COL28A1: variants seen among roughly 807,000 people sequenced by gnomAD.
COL28A1 encodes collagen type XXVIII alpha 1 chain.
In COL28A1, 161 loss-of-function variants were observed where a neutral mutation model predicts 150.2. The observed-to-expected ratio is 1.07, with a 90% CI of 0.94 to 1.22. The LOEUF is 1.22. Among genes scored for constraint, COL28A1 ranks in the 50% most tolerant of loss-of-function variants. The pLI, the probability that COL28A1 is intolerant of heterozygous loss-of-function variation, is 0.00. For missense variants in COL28A1, 1,617 were observed against 1,388.3 expected (o/e 1.16, Z -2.62); for synonymous variants, 552 against 469.7 (o/e 1.18, Z -2.26).
At chr7:7,417,527 AGGGAGGGAGGGAGG>A (rs1784155478) in intron 27 of COL28A1, 11 of 84,134 alleles carry the variant, frequency 1.3e-4, no homozygotes, top group African/African-American at 2.8e-4. Flanking sequence ...GGGAGGGGGG[AGGGAGGGAGGGAGG>A]GGGGGGGGAG....
In COL28A1 at chr7:7,407,121, G is replaced by A. The variant is rs115833165; in HGVS notation, c.2136+10738C>T. 6.2e-3 allele frequency among the ~76,000 whole-genome samples: 944 copies of A among 151,710 alleles called. 9 individuals carry two copies. The highest frequency in any genetic ancestry group is 0.02 in the African/African-American group (817 of 41,416). The stretch of plus-strand genomic sequence containing the variant: ...CTGGAAAATAGAATAGAAAAATAAC[G>A]GCCATAATGTAACTCAGAATGATTA... On this transcript the variant is annotated intron_variant, in intron 27 of 34. Transcript: ENST00000399429.
chr7:7,512,658 A>G (rs1781207726), intron 8 of COL28A1, among the ~76,000 whole-genome samples: 2 of 152,260 alleles, frequency 1.3e-5, no homozygotes, highest in South Asian at 4.1e-4. Context: ...TTTCATAATC[A>G]TAGTAATATT....
At chr7:7,482,254 G>A (rs1270635523) in intron 13 of COL28A1, among the ~76,000 whole-genome samples, 1 of 152,140 alleles carries the variant, frequency 6.6e-6, no homozygotes, top group African/African-American at 2.4e-5. Context: ...GCTGAGCATG[G>A]TGGCTCAGGC....
chr7:7,527,985 C>T (rs1782124743), intron 3 of COL28A1, among the ~76,000 whole-genome samples: 1 of 151,882 alleles, frequency 6.6e-6, no homozygotes, highest in Non-Finnish European at 1.5e-5. Flanking sequence ...AAATAAGGCC[C>T]TAAACAGAGG....
chr7:7,497,201 A>G (rs1484729100), intron 11 of COL28A1, among the ~76,000 whole-genome samples: 1 of 152,228 alleles, frequency 6.6e-6, no homozygotes, highest in Non-Finnish European at 1.5e-5. Flanking sequence ...TTCTCATTTC[A>G]GAGGAAGTGT....
At chr7:7,499,071 G>A (rs17168279) in intron 11 of COL28A1, among the ~76,000 whole-genome samples, 22 of 152,180 alleles carry the variant, frequency 1.4e-4, no homozygotes, top group African/African-American at 4.6e-4. Context: ...CATGTCAAAC[G>A]AGTTAATAAG....
At chr7:7,379,091 G>C (rs1249460651) in intron 30 of COL28A1, among the ~76,000 whole-genome samples, 4 of 152,186 alleles carry the variant, frequency 2.6e-5, no homozygotes, top group Non-Finnish European at 5.9e-5. Context: ...TGGCATAGAG[G>C]AACATATGTG....
chr7:7,362,526 C>T (rs532049068), intron 33 of COL28A1, among the ~76,000 whole-genome samples: 3 of 152,062 alleles, frequency 2.0e-5, no homozygotes, highest in Non-Finnish European at 2.9e-5. Context: ...CATACACACA[C>T]AAGAGGGAAA....
At chr7:7,391,495 A>G (rs761713595) in intron 27 of COL28A1, among the ~76,000 whole-genome samples, 5 of 152,176 alleles carry the variant, frequency 3.3e-5, no homozygotes, top group African/African-American at 4.8e-5. Context: ...TATTAGGTCC[A>G]GCTGGTCCAG....
intron 15 of COL28A1, among the ~76,000 whole-genome samples, chr7:7,473,707 C>T (rs561985993): frequency 6.6e-6 from 1 of 151,940 alleles, no homozygotes; most frequent in African/African-American, 2.4e-5. Flanking sequence ...GAGGAAAAGT[C>T]GTCATTATAC....
chr7:7,341,170 C>G, the COL28A1 span, among the ~76,000 whole-genome samples: 1 of 152,072 alleles, frequency 6.6e-6, no homozygotes, highest in Non-Finnish European at 1.5e-5. Flanking sequence ...CTCCAGACAC[C>G]CAGTGTATGA....
intron 15 of COL28A1, among the ~76,000 whole-genome samples, chr7:7,459,992 G>A (rs1787481394): frequency 6.6e-6 from 1 of 152,178 alleles, no homozygotes; most frequent in Admixed American, 6.5e-5. Flanking sequence ...TTATGACTCA[G>A]CCTAACTCCA....
At chr7:7,509,307 G>T (rs1780995404) in intron 9 of COL28A1, among the ~76,000 whole-genome samples, 1 of 152,070 alleles carries the variant, frequency 6.6e-6, no homozygotes, top group African/African-American at 2.4e-5. Flanking sequence ...ATTTTTTGTA[G>T]AGACGGGGCC....
intron 13 of COL28A1, among the ~76,000 whole-genome samples, chr7:7,487,317 C>T (rs1307568625): frequency 1.3e-5 from 2 of 152,136 alleles, no homozygotes; most frequent in Non-Finnish European, 2.9e-5. Context: ...GTGGCTCACG[C>T]TTGTAATCCC....
At chr7:7,367,790 GC>G (rs1205386815) in intron 33 of COL28A1, among the ~76,000 whole-genome samples, 3 of 145,902 alleles carry the variant, frequency 2.1e-5, no homozygotes, top group Non-Finnish European at 4.5e-5. Context: ...TTTACATGGT[GC>G]AAACTAAACT....
At chr7:7,349,698 C>A in the COL28A1 span, among the ~76,000 whole-genome samples, 1 of 152,110 alleles carries the variant, frequency 6.6e-6, no homozygotes, top group Non-Finnish European at 1.5e-5. Context: ...TTCTTTCCTG[C>A]CTCTCAGGGA....
chr7:7,339,329 G>A, the COL28A1 span, among the ~76,000 whole-genome samples: 1 of 152,044 alleles, frequency 6.6e-6, no homozygotes, highest in Non-Finnish European at 1.5e-5. Context: ...TCTTGCACCA[G>A]CCCTAACACT....
rs1786875149 is a variant in COL28A1, at chr7:7,453,432, A to C, written c.1440+8T>G. ...TATATTAAACTCCGCTCTCATTTACAAAGTTACCTTGGAACCAGGTAAGCC... is the reference window on the plus strand; with the variant it reads ...TATATTAAACTCCGCTCTCATTTACCAAGTTACCTTGGAACCAGGTAAGCC... On this transcript the variant is annotated splice_region_variant and intron_variant, in intron 17 of 34. Transcript: ENST00000399429. The C allele has an allele frequency of 1.8e-6, 2 of 1,134,552 alleles. No individual in the cohort carries two copies. Among genetic ancestry groups the C allele is most frequent in the Non-Finnish European group, 2.7e-6 (2 of 741,746 alleles). 70.3% of individuals were successfully genotyped at this position (1,134,552 alleles called of 1,614,324 possible).
chr7:7,510,438 C>A (rs1334397675), intron 9 of COL28A1, among the ~76,000 whole-genome samples: 1 of 152,140 alleles, frequency 6.6e-6, no homozygotes, highest in Admixed American at 6.5e-5. Context: ...GTGCACGCCA[C>A]CATGCCTGGC....
Sources: allele counts gnomAD v4.1 joint callset (sites outside exome capture counted in the v4.1 genomes callset), GRCh38; gene constraint gnomAD v4.1.1; transcripts MANE v1.5; gene names NCBI Gene and HGNC (gene_info 2026-07-23, HGNC 2026-07-21).